Variants in IL17RD observed in about 807,000 individuals in gnomAD.
IL17RD encodes interleukin 17 receptor D.
A neutral mutation model predicts 80.5 loss-of-function variants in IL17RD; 52 were observed. That is an observed-to-expected ratio of 0.65 (90% CI 0.52 to 0.81). IL17RD has a LOEUF of 0.81. Ranked by LOEUF, IL17RD falls within the 40% of genes least tolerant of loss-of-function variation. The pLI, the probability that IL17RD is intolerant of heterozygous loss-of-function variation, is 0.00. For synonymous variants in IL17RD, 416 were observed against 391.8 expected (o/e 1.06, Z -0.73); for missense variants, 1,024 against 955.1 (o/e 1.07, Z -0.95).
rs115538353 is a variant in IL17RD, at chr3:57,130,576, G to A, written c.127-10263C>T. 5.5e-3 allele frequency among the ~76,000 whole-genome samples: 841 copies of A among 152,258 alleles called. 3 individuals carry two copies. Among genetic ancestry groups the A allele is most frequent in the Non-Finnish European group, 9.4e-3 (636 of 68,010 alleles). ...GGCCTTTCCCAGAAGCTTTCTGGGG[G>A]AGAGGGAAGTAGTCAGCCCAGAGGT... is the stretch of plus-strand genomic sequence containing the variant. On this transcript the variant is annotated intron_variant, in intron 1 of 12. Transcript: ENST00000296318.
In IL17RD at chr3:57,106,127, T is replaced by A. The variant is rs1001530997; in HGVS notation, c.578A>T (p.Asn193Ile). The A allele has an allele frequency of 1.2e-6, 2 of 1,612,762 alleles. No individual in the cohort carries two copies. The highest frequency in any genetic ancestry group is 3.3e-5 in the Admixed American group (2 of 59,946). ...TTACTTACAGGGTTTACAAGCTAGA[T>A]TGTCCGGCTGTAACAACAGGTCACA... is the stretch of plus-strand genomic sequence containing the variant. ...RACDLLLQPDNLACKPFWKPR... is the reference protein window; with the variant it reads ...RACDLLLQPDILACKPFWKPR... Residue 193 changes from asparagine to isoleucine, a missense_variant, in exon 6 of 13, where the codon AAT (asparagine) becomes ATT (isoleucine). Physicochemically the swap from Asn to Ile is moderately radical, Grantham distance 149. Transcript: ENST00000296318.
chr3:57,141,275 G>A (rs974415070), intron 1 of IL17RD, among the ~76,000 whole-genome samples: 1 of 152,098 alleles, frequency 6.6e-6, no homozygotes, highest in Admixed American at 6.6e-5. Flanking sequence ...CATAATTTTT[G>A]AGGGCATAAA....
upstream of IL17RD, among the ~76,000 whole-genome samples, chr3:57,165,765 G>A (rs752699542): frequency 5.9e-5 from 9 of 152,080 alleles, no homozygotes; most frequent in Admixed American, 1.3e-4. Context: ...AGTTTTAGGC[G>A]CAGAAAAGTT....
intron 5 of IL17RD, among the ~76,000 whole-genome samples, chr3:57,108,509 CTTTTTTTTTTTT>C (rs34594516): frequency 2.0e-5 from 1 of 49,154 alleles, no homozygotes; most frequent in Non-Finnish European, 3.2e-5. Context: ...TGATACATGG[CTTTTTTTTTTTT>C]TTTTTTTTTT....
intron 10 of IL17RD, 73 bp downstream of exon 10, chr3:57,102,406 A>C: frequency 2.8e-6 from 2 of 721,432 alleles, no homozygotes; most frequent in Non-Finnish European, 4.3e-6. Context: ...AGGTACTCCC[A>C]GTCTCTCTTT....
intron 2 of IL17RD, among the ~76,000 whole-genome samples, chr3:57,116,286 T>TC (rs1292223663): frequency 6.8e-6 from 1 of 147,660 alleles, no homozygotes; most frequent in African/African-American, 2.5e-5. Context: ...TCTTTTCTTT[T>TC]TTTTTTTTTT....
At chr3:57,165,448 T>C (rs2060342674), upstream of IL17RD, 1 of 437,434 alleles carries the variant, frequency 2.3e-6, no homozygotes, top group Non-Finnish European at 3.3e-6. Flanking sequence ...AGTCCTCGTG[T>C]GCTGGCCCCG....
intron 10 of IL17RD, among the ~76,000 whole-genome samples, chr3:57,101,673 G>A (rs1706834161): frequency 6.6e-6 from 1 of 152,248 alleles, no homozygotes; most frequent in Admixed American, 6.5e-5. Flanking sequence ...GGCTCTTGCA[G>A]CCAAGTGCAC....
intron 1 of IL17RD, among the ~76,000 whole-genome samples, chr3:57,130,627 G>A (rs752356986): frequency 2.0e-5 from 3 of 152,154 alleles, no homozygotes; most frequent in Non-Finnish European, 2.9e-5. Context: ...AAGCTCTGAC[G>A]GGCAGATGGG....
At chr3:57,114,636 G>A (rs1707170497) in intron 3 of IL17RD, 56 bp downstream of exon 3, 1 of 1,521,300 alleles carries the variant, frequency 6.6e-7, no homozygotes, top group Non-Finnish European at 8.8e-7. Context: ...TGGGACCTTT[G>A]CACTGGGCCC....
intron 5 of IL17RD, 91 bp downstream of exon 5, chr3:57,109,446 T>C: frequency 6.9e-7 from 1 of 1,455,620 alleles, no homozygotes; most frequent in Non-Finnish European, 9.3e-7. Context: ...CGCCCGGCCT[T>C]GGCACGTTCT....
chr3:57,104,837 T>C (rs1706915001), intron 7 of IL17RD, among the ~76,000 whole-genome samples: 1 of 152,172 alleles, frequency 6.6e-6, no homozygotes, highest in African/African-American at 2.4e-5. Flanking sequence ...TGACAGAACC[T>C]GACATACACA....
intron 1 of IL17RD, among the ~76,000 whole-genome samples, chr3:57,155,962 C>T (rs1425013953): frequency 6.6e-6 from 1 of 152,182 alleles, no homozygotes; most frequent in African/African-American, 2.4e-5. Flanking sequence ...AGAGTGTCTA[C>T]TTGCAAACAC....
At chr3:57,143,705 A>G (rs1203463823) in intron 1 of IL17RD, among the ~76,000 whole-genome samples, 1 of 152,224 alleles carries the variant, frequency 6.6e-6, no homozygotes. Flanking sequence ...GCCCTTCTTC[A>G]TAGAGCTCCC....
chr3:57,134,834 C>G, intron 1 of IL17RD: 1 of 366,708 alleles, frequency 2.7e-6, no homozygotes, highest in Non-Finnish European at 5.2e-6. Context: ...AGAATGGGGG[C>G]TAGGTGTGGT....
At chr3:57,162,977 G>A (rs377049370) in intron 1 of IL17RD, among the ~76,000 whole-genome samples, 6 of 152,168 alleles carry the variant, frequency 3.9e-5, no homozygotes, top group Non-Finnish European at 8.8e-5. Context: ...CTCAAGGGAG[G>A]AAAAGGCATC....
upstream of IL17RD, among the ~76,000 whole-genome samples, chr3:57,165,598 G>A (rs1199083480): frequency 2.0e-5 from 3 of 151,362 alleles, no homozygotes; most frequent in African/African-American, 7.3e-5. Context: ...TAATCCAAAG[G>A]ATTTGTCCAA....
In IL17RD at chr3:57,106,126, A is replaced by T. The variant is rs777024572; in HGVS notation, c.579T>A (p.Asn193Lys). ...ATTACTTACAGGGTTTACAAGCTAG[A>T]TTGTCCGGCTGTAACAACAGGTCAC... ...RACDLLLQPD[N>K]LACKPFWKPR... The change falls in exon 6 of 13, where the codon AAT (asparagine) becomes AAA (lysine). Residue 193 changes from asparagine (N) to lysine (K), a missense_variant. Physicochemically the swap from Asn to Lys is moderately conservative, Grantham distance 94. Coordinates refer to ENST00000296318, the MANE Select transcript of IL17RD (RefSeq NM_017563.5). 1 of 1,612,738 alleles carries T rather than the reference A, an allele frequency of 6.2e-7. No individual in the cohort carries two copies. The highest frequency in any genetic ancestry group is 1.3e-5 in the African/African-American group (1 of 75,026).
intron 1 of IL17RD, among the ~76,000 whole-genome samples, chr3:57,147,944 C>T (rs1040876818): frequency 6.6e-6 from 1 of 152,108 alleles, no homozygotes; most frequent in Non-Finnish European, 1.5e-5. Context: ...AAAGGCAACA[C>T]AAGGAAACTC....
Sources: gnomAD v4.1 joint callset for allele counts (sites outside exome capture counted in the v4.1 genomes callset) on GRCh38, gnomAD v4.1.1 for gene constraint, MANE v1.5 for transcripts, NCBI Gene and HGNC (gene_info 2026-07-23, HGNC 2026-07-21) for gene names.